ESRRB: variants seen among roughly 807,000 people sequenced by gnomAD.
ESRRB encodes the protein estrogen related receptor beta.
ESRRB carries 16 observed loss-of-function variants against 46.0 expected under a neutral mutation model. The observed-to-expected ratio is 0.35, with a 90% CI of 0.24 to 0.53. The LOEUF (loss-of-function observed/expected upper bound fraction) is 0.53. Among genes scored for constraint, ESRRB ranks in the 20% least tolerant of loss-of-function variants. The pLI is 0.93. For synonymous variants in ESRRB, 246 were observed against 259.6 expected (o/e 0.95, Z 0.50); for missense variants, 488 against 607.4 (o/e 0.80, Z 2.07).
intron 6 of ESRRB, among the ~76,000 whole-genome samples, chr14:76,494,649 G>T (rs1595174719): frequency 6.6e-6 from 1 of 152,236 alleles, no homozygotes; most frequent in Admixed American, 6.5e-5. Context: ...AATGCATAAT[G>T]ACATGTTTCT....
At chr14:76,463,445 G>GTTTTTTTTGTTTTGTTTTTTTT (rs1362309981) in intron 3 of ESRRB, 5 of 114,738 alleles carry the variant, frequency 4.4e-5, no homozygotes, top group African/African-American at 1.8e-4. Flanking sequence ...ATGCTTCTTT[G>GTTTTTTTTGTTTTGTTTTTTTT]TTTTTTTTTT....
At chr14:76,412,836 C>T (rs748140152) in intron 1 of ESRRB, among the ~76,000 whole-genome samples, 3 of 152,092 alleles carry the variant, frequency 2.0e-5, no homozygotes, top group Admixed American at 6.6e-5. Flanking sequence ...GCAGAAGGCC[C>T]GAGTTGCAGT....
At chr14:76,412,774 C>T (rs1886496968) in intron 1 of ESRRB, among the ~76,000 whole-genome samples, 1 of 151,900 alleles carries the variant, frequency 6.6e-6, no homozygotes, top group African/African-American at 2.4e-5. Flanking sequence ...TTTGCTAATG[C>T]ATTTGTATTG....
chr14:76,491,544 T>C lies in ESRRB; in HGVS notation c.948T>C (p.Tyr316=), dbSNP rs2361293. The C allele has an allele frequency of 1, 1,594,011 of 1,595,430 alleles. 796,303 individuals are homozygous for C. The highest frequency in any genetic ancestry group is 1 in the East Asian group (44,266 of 44,266). The change falls in exon 6 of 7, where the codon TAT becomes TAC. Residue 316 remains tyrosine (Y), a synonymous_variant. Transcript: ENST00000644823. ...GCATCGTGTACCGCTCGCTGCCCTA[T>C]GACGACAAGCTGGTGTACGCTGAGG... ...ILGIVYRSLP[Y]DDKLVYAEDY...
chr14:76,448,648 G>A (rs1888255854), intron 2 of ESRRB, among the ~76,000 whole-genome samples: 1 of 151,880 alleles, frequency 6.6e-6, no homozygotes, highest in Middle Eastern at 3.4e-3. Flanking sequence ...CATTTACTTC[G>A]ATTTTCACTT....
At chr14:76,317,710 G>T (rs1045913295) in intron 1 of ESRRB, among the ~76,000 whole-genome samples, 1 of 152,192 alleles carries the variant, frequency 6.6e-6, no homozygotes, top group Non-Finnish European at 1.5e-5. Flanking sequence ...GGTACCAGGC[G>T]GTCCAGCCCA....
intron 1 of ESRRB, among the ~76,000 whole-genome samples, chr14:76,381,968 C>G (rs1885032915): frequency 6.6e-6 from 1 of 152,190 alleles, no homozygotes; most frequent in African/African-American, 2.4e-5. Flanking sequence ...AGGTGCCCTT[C>G]TGTACTGATC....
At chr14:76,475,380 A>AAAAG (rs985098891) in intron 3 of ESRRB, among the ~76,000 whole-genome samples, 1 of 152,016 alleles carries the variant, frequency 6.6e-6, no homozygotes, top group Non-Finnish European at 1.5e-5. Context: ...AAAAAAAAAA[A>AAAAG]AAAGAAAGAA....
intron 1 of ESRRB, among the ~76,000 whole-genome samples, chr14:76,436,606 G>T (rs1235087520): frequency 6.6e-6 from 1 of 152,182 alleles, no homozygotes; most frequent in Non-Finnish European, 1.5e-5. Context: ...TGCCTGCCTC[G>T]TGGAAGGGTG....
intron 1 of ESRRB, 50 bp from the exon 2 acceptor site, chr14:76,439,291 C>A: frequency 6.2e-7 from 1 of 1,607,740 alleles, no homozygotes; most frequent in Non-Finnish European, 8.5e-7. Flanking sequence ...GACCCGCCCA[C>A]CACACCCACA....
At chr14:76,366,380 T>C (rs1396890574), upstream of ESRRB, among the ~76,000 whole-genome samples, 1 of 152,058 alleles carries the variant, frequency 6.6e-6, no homozygotes, top group African/African-American at 2.4e-5. Context: ...GGTGAGGAAG[T>C]AGGATGCTCA....
rs11852165 is a variant in ESRRB, at chr14:76,447,571, C to T, written c.460+7821C>T. Among the ~76,000 whole-genome samples, 951 of 152,192 alleles carry T rather than the reference C, an allele frequency of 6.2e-3. 8 individuals carry two copies. The highest frequency in any genetic ancestry group is 0.022 in the African/African-American group (916 of 41,490). On this transcript the variant is annotated intron_variant, in intron 2 of 6. Coordinates refer to ENST00000644823, the MANE Select transcript of ESRRB (RefSeq NM_001379180.1). The stretch of plus-strand genomic sequence containing the variant: ...TTCCACTTGGATGCCCCAGAAGCAC[C>T]CCAGTTGCACGAAGTCTTAAACAGA...
upstream of ESRRB, among the ~76,000 whole-genome samples, chr14:76,370,360 T>C (rs1340149151): frequency 6.6e-6 from 1 of 151,952 alleles, no homozygotes; most frequent in Non-Finnish European, 1.5e-5. Flanking sequence ...ATCACGCCAT[T>C]GTACTCCAGT....
chr14:76,414,590 C>T (rs1253176270), intron 1 of ESRRB, among the ~76,000 whole-genome samples: 1 of 149,524 alleles, frequency 6.7e-6, no homozygotes, highest in South Asian at 2.1e-4. Flanking sequence ...CCCACTCCCC[C>T]AACCAGTCAG....
intron 2 of ESRRB, among the ~76,000 whole-genome samples, chr14:76,447,061 G>A (rs1476745446): frequency 6.6e-6 from 1 of 152,048 alleles, no homozygotes; most frequent in East Asian, 1.9e-4. Flanking sequence ...TTCCATGTTC[G>A]CAGCTGCTTC....
At chr14:76,472,184 C>A (rs11620729) in intron 3 of ESRRB, among the ~76,000 whole-genome samples, 34,725 of 152,034 alleles carry the variant, frequency 0.23, 4,296 homozygotes, top group East Asian at 0.37. Context: ...AAGAAAGGAA[C>A]GGAAAGGGAA....
chr14:76,461,800 T>C (rs377667601), intron 2 of ESRRB, among the ~76,000 whole-genome samples: 55 of 152,314 alleles, frequency 3.6e-4, no homozygotes, highest in African/African-American at 1.3e-3. Context: ...CATGAGCCAC[T>C]GTACCCGGCC....
chr14:76,338,984 G>C (rs949502737), intron 1 of ESRRB, among the ~76,000 whole-genome samples: 2 of 152,112 alleles, frequency 1.3e-5, no homozygotes, highest in African/African-American at 2.4e-5. Context: ...ACCTCAAAGG[G>C]ACCATGGATA....
chr14:76,374,912 C>T (rs1009718536), upstream of ESRRB, among the ~76,000 whole-genome samples: 2 of 152,166 alleles, frequency 1.3e-5, no homozygotes, highest in Non-Finnish European at 2.9e-5. Context: ...ATCTGCGATC[C>T]TTCTGCCCAC....
Sources: allele counts gnomAD v4.1 joint callset (sites outside exome capture counted in the v4.1 genomes callset), GRCh38; gene constraint gnomAD v4.1.1; transcripts MANE v1.5; gene names NCBI Gene and HGNC (gene_info 2026-07-23, HGNC 2026-07-21).